Variants in LRRC37A2 observed in about 807,000 individuals in gnomAD.
The protein encoded by LRRC37A2 is leucine-rich repeat-containing protein 37A2.
A neutral mutation model predicts 68.8 loss-of-function variants in LRRC37A2; 9 were observed. The observed-to-expected ratio is 0.13, with a 90% CI of 0.08 to 0.23. LRRC37A2 has a LOEUF of 0.23. LRRC37A2 is among the 10% of genes least tolerant of loss of function. LRRC37A2 has a pLI of 1.00. For synonymous variants in LRRC37A2, 63 were observed against 367.6 expected (o/e 0.17, Z 9.48); for missense variants, 168 against 950.4 (o/e 0.18, Z 10.82).
At chr17:46,829,094 A>G in the LRRC37A2 span, among the ~76,000 whole-genome samples, 2 of 152,258 alleles carry the variant, frequency 1.3e-5, no homozygotes, top group Admixed American at 6.5e-5. Context: ...AAGGTTGCAC[A>G]ACTTTTTCAA....
the LRRC37A2 span, among the ~76,000 whole-genome samples, chr17:46,695,738 TATCTTTG>T: frequency 6.7e-6 from 1 of 148,802 alleles, no homozygotes; most frequent in Non-Finnish European, 1.5e-5. Context: ...ACATCAGGAT[TATCTTTG>T]ATTCCTGGCA....
chr17:46,972,592 G>T, the LRRC37A2 span, among the ~76,000 whole-genome samples: 3 of 152,202 alleles, frequency 2.0e-5, no homozygotes, highest in Non-Finnish European at 4.4e-5. Context: ...CTGCCCATCT[G>T]GCTGCATTGC....
chr17:46,995,261 G>A, the LRRC37A2 span, among the ~76,000 whole-genome samples: 1 of 152,158 alleles, frequency 6.6e-6, no homozygotes, highest in African/African-American at 2.4e-5. Context: ...AGGACCTAGG[G>A]CAGCAGGGGT....
chr17:47,020,988 GA>G, the LRRC37A2 span, among the ~76,000 whole-genome samples: 3 of 151,518 alleles, frequency 2.0e-5, no homozygotes, highest in Non-Finnish European at 2.9e-5. Context: ...TTGTTAAATA[GA>G]AAAAAAATGG....
At chr17:46,728,377 A>T in the LRRC37A2 span, among the ~76,000 whole-genome samples, 2 of 152,164 alleles carry the variant, frequency 1.3e-5, no homozygotes, top group Non-Finnish European at 2.9e-5. Flanking sequence ...ATGCTTGGTA[A>T]ATACACCTGG....
At chr17:46,822,491 C>T in the LRRC37A2 span, among the ~76,000 whole-genome samples, 2 of 152,336 alleles carry the variant, frequency 1.3e-5, no homozygotes, top group African/African-American at 4.8e-5. Context: ...CAGAGCCCAG[C>T]GGCGCGGGCG....
chr17:46,876,349 C>G, the LRRC37A2 span: 1 of 1,614,138 alleles, frequency 6.2e-7, no homozygotes, highest in South Asian at 1.1e-5. Context: ...GTGAGACGGG[C>G]CAGGTGCTGA....
chr17:47,024,028 C>T, the LRRC37A2 span, among the ~76,000 whole-genome samples: 9 of 152,228 alleles, frequency 5.9e-5, no homozygotes, highest in South Asian at 4.1e-4. Flanking sequence ...TCTTTTGTAA[C>T]GATGTTTACA....
the LRRC37A2 span, among the ~76,000 whole-genome samples, chr17:46,807,407 G>C: frequency 1.3e-5 from 2 of 152,112 alleles, no homozygotes; most frequent in African/African-American, 4.8e-5. Context: ...GCTTGAACCC[G>C]GGAGGCGGAG....
the LRRC37A2 span, among the ~76,000 whole-genome samples, chr17:46,958,171 G>A: frequency 4.6e-5 from 7 of 152,326 alleles, no homozygotes; most frequent in East Asian, 1.4e-3. Flanking sequence ...AGCTGGGAAT[G>A]GGGAGCAGGC....
chr17:46,941,512 A>C, the LRRC37A2 span: 2 of 642,258 alleles, frequency 3.1e-6, no homozygotes, highest in Admixed American at 1.3e-4. Context: ...TTTTAAAATT[A>C]CATATTCCTG....
chr17:47,019,721 T>C, the LRRC37A2 span: 2 of 950,950 alleles, frequency 2.1e-6, no homozygotes, highest in East Asian at 4.9e-5. Context: ...TGTTGTCATG[T>C]ATTGATCTCA....
chr17:46,790,489 C>A, the LRRC37A2 span, among the ~76,000 whole-genome samples: 2 of 152,114 alleles, frequency 1.3e-5, no homozygotes, highest in African/African-American at 4.8e-5. Flanking sequence ...TGCCCTAGGT[C>A]ACAGACAGGG....
At chr17:46,648,225 A>AT in the LRRC37A2 span, among the ~76,000 whole-genome samples, 1 of 41,878 alleles carries the variant, frequency 2.4e-5, no homozygotes, top group Admixed American at 3.0e-4. Flanking sequence ...ATTTATAAAG[A>AT]TTTTTTTTTA....
the LRRC37A2 span, among the ~76,000 whole-genome samples, chr17:46,996,834 GA>G: frequency 2.0e-5 from 3 of 152,284 alleles, no homozygotes; most frequent in South Asian, 6.2e-4. Flanking sequence ...TATTTATTAT[GA>G]TTTTGTCGGT....
chr17:46,911,709 C>T, the LRRC37A2 span, among the ~76,000 whole-genome samples: 2 of 151,942 alleles, frequency 1.3e-5, no homozygotes, highest in Non-Finnish European at 2.9e-5. Flanking sequence ...ATGGTAAAAC[C>T]CCGTCTCAAC....
chr17:46,553,282 T>G (rs2056991414), intron 11 of LRRC37A2, 118 bp from the exon 11 acceptor site: 2 of 1,549,214 alleles, frequency 1.3e-6, no homozygotes, highest in Admixed American at 3.8e-5. Flanking sequence ...ATTCCTGTCT[T>G]CAAAAAAGTT....
the LRRC37A2 span, chr17:46,941,129 A>C: frequency 9.8e-7 from 1 of 1,020,122 alleles, no homozygotes; most frequent in Non-Finnish European, 1.2e-6. Context: ...TATCAAGAGG[A>C]ACTTGAGATC....
At chr17:47,003,377 C>T in the LRRC37A2 span, among the ~76,000 whole-genome samples, 1 of 152,090 alleles carries the variant, frequency 6.6e-6, no homozygotes, top group African/African-American at 2.4e-5. Context: ...AGAGGTGGGG[C>T]AGATGAGCAC....
Sources: allele counts gnomAD v4.1 joint callset (sites outside exome capture counted in the v4.1 genomes callset), GRCh38; gene constraint gnomAD v4.1.1; transcripts MANE v1.5; gene names NCBI Gene and HGNC (gene_info 2026-07-23, HGNC 2026-07-21).